SFMBT2: variants seen among roughly 807,000 people sequenced by gnomAD.
SFMBT2 encodes Scm like with four mbt domains 2.
In SFMBT2, 38 loss-of-function variants were observed where a neutral mutation model predicts 110.1. The observed-to-expected ratio is 0.35, with a 90% CI of 0.27 to 0.45. The LOEUF is 0.45. Ranked by LOEUF, SFMBT2 falls within the 20% of genes least tolerant of loss-of-function variation. The pLI is 1.00. For missense variants in SFMBT2, 1,011 were observed against 1,094.9 expected (o/e 0.92, Z 1.08); for synonymous variants, 425 against 425.4 (o/e 1.00, Z 0.01).
chr10:7,318,879 G>C (rs540458515), intron 4 of SFMBT2, among the ~76,000 whole-genome samples: 41 of 152,230 alleles, frequency 2.7e-4, no homozygotes, highest in African/African-American at 9.4e-4. Context: ...CATTTTAGCA[G>C]AGACTTAAAG....
At chr10:7,352,542 C>T (rs1844357598) in intron 4 of SFMBT2, among the ~76,000 whole-genome samples, 1 of 152,064 alleles carries the variant, frequency 6.6e-6, no homozygotes, top group Admixed American at 6.6e-5. Flanking sequence ...CTTAGACAGA[C>T]ACATTTTTAA....
At chr10:7,221,694 T>G (rs1292016132) in intron 10 of SFMBT2, among the ~76,000 whole-genome samples, 1 of 152,222 alleles carries the variant, frequency 6.6e-6, no homozygotes, top group Non-Finnish European at 1.5e-5. Flanking sequence ...ATTATTTTCC[T>G]TTGTTCTTTT....
At chr10:7,225,566 A>C (rs1444099807) in intron 10 of SFMBT2, among the ~76,000 whole-genome samples, 6 of 152,212 alleles carry the variant, frequency 3.9e-5, no homozygotes, top group African/African-American at 1.4e-4. Flanking sequence ...AGATTCATCC[A>C]AACAGAGAGC....
chr10:7,273,067 T>C (rs1841649235), intron 7 of SFMBT2, among the ~76,000 whole-genome samples: 1 of 152,228 alleles, frequency 6.6e-6, no homozygotes, highest in Non-Finnish European at 1.5e-5. Flanking sequence ...AGTGCTGCGC[T>C]TACAGGCGTG....
intron 7 of SFMBT2, among the ~76,000 whole-genome samples, chr10:7,261,670 A>G (rs1022045872): frequency 5.3e-5 from 8 of 152,230 alleles, no homozygotes; most frequent in Non-Finnish European, 7.3e-5. Flanking sequence ...CTTGTTAAAT[A>G]TTAAGGAGCT....
At chr10:7,304,920 C>A (rs978665131) in intron 4 of SFMBT2, among the ~76,000 whole-genome samples, 1 of 152,160 alleles carries the variant, frequency 6.6e-6, no homozygotes, top group Non-Finnish European at 1.5e-5. Flanking sequence ...GACAGTTGCA[C>A]CCCTGGGAGG....
At chr10:7,397,783 C>G (rs1010561327) in intron 1 of SFMBT2, among the ~76,000 whole-genome samples, 4 of 152,228 alleles carry the variant, frequency 2.6e-5, no homozygotes, top group Non-Finnish European at 5.9e-5. Context: ...AAGTGCCAAG[C>G]ACTATTATCA....
intron 7 of SFMBT2, among the ~76,000 whole-genome samples, chr10:7,256,034 A>T (rs565320885): frequency 2.3e-4 from 35 of 152,318 alleles, no homozygotes; most frequent in African/African-American, 7.9e-4. Context: ...AGAAACAGCT[A>T]ACATGTTGTA....
Position 7,172,717 on chromosome 10 carries a change from C to G in SFMBT2, c.1985-56G>C. 2 of 1,530,534 alleles carry G rather than the reference C, an allele frequency of 1.3e-6. No individual in the cohort carries two copies. Among genetic ancestry groups the G allele is most frequent in the Non-Finnish European group, 1.8e-6 (2 of 1,132,014 alleles). The allele number at this position is 1,530,534 out of a possible 1,614,324, so 94.8% of individuals were successfully genotyped here. On this transcript the variant is annotated intron_variant, in intron 17 of 20. Coordinates refer to ENST00000397167, the MANE Select transcript of SFMBT2 (RefSeq NM_001387889.1). The surrounding 1 kb of genome is among the most constrained non-coding windows in gnomAD (Gnocchi z 4.6). ...GGCTATACACACACACAGACATGAA[C>G]AGAGAGAGGAGAGAGAAAGAAGGGA... is the stretch of plus-strand genomic sequence containing the variant.
chr10:7,284,188 T>C, intron 5 of SFMBT2, 38 bp from the exon 6 acceptor site: 1 of 1,591,992 alleles, frequency 6.3e-7, no homozygotes, highest in Non-Finnish European at 8.5e-7. Flanking sequence ...TTTTAAACTT[T>C]ATTTTAAGGT....
intron 16 of SFMBT2, among the ~76,000 whole-genome samples, chr10:7,186,381 T>C (rs545752432): frequency 6.6e-6 from 1 of 151,246 alleles, no homozygotes; most frequent in South Asian, 2.1e-4. Context: ...TATGTATATA[T>C]GACATATATA....
At chr10:7,238,369 T>C (rs1840324612) in intron 9 of SFMBT2, among the ~76,000 whole-genome samples, 1 of 152,232 alleles carries the variant, frequency 6.6e-6, no homozygotes, top group South Asian at 2.1e-4. Context: ...TCGTGTTTCA[T>C]ATTTCATTGT....
At position 7,408,376 on chromosome 10, in the gene SFMBT2, A is replaced by G. The variant is rs1846279521; in HGVS notation, c.-52+2485T>C. 6.6e-6 allele frequency among the ~76,000 whole-genome samples: 1 copy of G among 152,124 alleles called. No individual in the cohort carries two copies. The highest frequency in any genetic ancestry group is 1.5e-5 in the Non-Finnish European group (1 of 68,010). ...TGCCGCTTGCTCCCGGCCCCCACCC[A>G]CTGACAGCACGGCGTCCGAGTGACC... On this transcript the variant is annotated intron_variant, in intron 1 of 20. Transcript: ENST00000397167. The surrounding 1 kb of genome is among the most constrained non-coding windows in gnomAD (Gnocchi z 5.7).
In SFMBT2 at chr10:7,210,919, G is replaced by C. The variant is rs188936249; in HGVS notation, c.1331-4991C>G. ...ACAGAAATGGGATTAGACGAGTATG[G>C]GGGGGGTGTGGGGAGGGGAGAGAGG... On this transcript the variant is annotated intron_variant, in intron 11 of 20. Transcript: ENST00000397167. Among the ~76,000 whole-genome samples, 29 of 152,174 alleles carry C rather than the reference G, an allele frequency of 1.9e-4. No homozygotes were observed. The East Asian group carries it at 4.5e-3, about 23-fold the overall frequency.
intron 7 of SFMBT2, among the ~76,000 whole-genome samples, chr10:7,256,066 T>C (rs1460739854): frequency 1.3e-5 from 2 of 152,190 alleles, no homozygotes; most frequent in Non-Finnish European, 2.9e-5. Context: ...GCATGCTCCC[T>C]GCATTGTCAT....
intron 4 of SFMBT2, among the ~76,000 whole-genome samples, chr10:7,338,554 C>T (rs563250812): frequency 5.5e-4 from 83 of 152,156 alleles, no homozygotes; most frequent in African/African-American, 1.8e-3. Context: ...ATTCATTAAG[C>T]GGAAGTGGAT....
At chr10:7,220,001 A>T (rs1839672404) in intron 11 of SFMBT2, among the ~76,000 whole-genome samples, 1 of 152,248 alleles carries the variant, frequency 6.6e-6, no homozygotes, top group Non-Finnish European at 1.5e-5. Flanking sequence ...TTTGAGGAAG[A>T]ATTAAACAAC....
rs1030698168 is a variant in SFMBT2, at chr10:7,370,768, T to C, written c.101-393A>G. The stretch of plus-strand genomic sequence containing the variant: ...ATCGTGCGCTGAGCAAGGGCTGTGA[T>C]GTAGGCTGTGATGTATACAGAGAAC... On this transcript the variant is annotated intron_variant, in intron 2 of 20. Coordinates refer to ENST00000397167, the MANE Select transcript of SFMBT2 (RefSeq NM_001387889.1). 5 of 940,104 alleles carry C rather than the reference T, an allele frequency of 5.3e-6. No homozygotes were observed. The African/African-American group carries it at 8.9e-5, about 17-fold the overall frequency. The allele number at this position is 940,104 out of a possible 1,614,324, so 58.2% of individuals were successfully genotyped here.
chr10:7,168,039 G>C (rs1837745375), intron 20 of SFMBT2, among the ~76,000 whole-genome samples: 1 of 150,176 alleles, frequency 6.7e-6, no homozygotes, highest in Admixed American at 6.7e-5. Flanking sequence ...TTGCACTCTA[G>C]CCTGGGTTAC....
Sources: gnomAD v4.1 joint callset for allele counts (sites outside exome capture counted in the v4.1 genomes callset) on GRCh38, gnomAD v4.1.1 for gene constraint, Gnocchi (gnomAD v3.1) non-coding constraint, MANE v1.5 for transcripts, NCBI Gene and HGNC (gene_info 2026-07-23, HGNC 2026-07-21) for gene names.